Variants in ADAM9 observed in about 807,000 individuals in gnomAD.
ADAM9 encodes the protein ADAM metallopeptidase domain 9.
ADAM9 carries 54 observed loss-of-function variants against 108.1 expected under a neutral mutation model. The ratio of observed to expected loss-of-function variants is 0.50; its 90% CI spans 0.40 to 0.63. ADAM9 has a LOEUF of 0.63. Ranked by LOEUF, ADAM9 falls within the 20% of genes least tolerant of loss-of-function variation. ADAM9 has a pLI of 0.00. For synonymous variants in ADAM9, 316 were observed against 336.0 expected (o/e 0.94, Z 0.65); for missense variants, 830 against 997.7 (o/e 0.83, Z 2.26).
chr8:39,029,277 G>A lies in ADAM9; in HGVS notation c.1130+2467G>A, dbSNP rs140573083. On this transcript the variant is annotated intron_variant, in intron 11 of 21. Coordinates refer to ENST00000487273, the MANE Select transcript of ADAM9 (RefSeq NM_003816.3). ...GACCCCATAGGAGTTGAGGTAGAGG[G>A]ACACTGATAACATGAGGATACTGAT... Among the ~76,000 whole-genome samples, 771 of 152,044 alleles carry A rather than the reference G, an allele frequency of 5.1e-3. 5 individuals are homozygous for A. The highest frequency in any genetic ancestry group is 0.018 in the African/African-American group (734 of 41,442).
chr8:39,042,158 GAT>G, intron 12 of ADAM9, 41 bp downstream of exon 12: 2 of 1,608,944 alleles, frequency 1.2e-6, no homozygotes, highest in Non-Finnish European at 1.7e-6. Flanking sequence ...AAATTGCCAT[GAT>G]ATTTGCAAGA....
intron 18 of ADAM9, among the ~76,000 whole-genome samples, chr8:39,085,575 C>G (rs1386433018): frequency 1.3e-5 from 2 of 151,436 alleles, no homozygotes; most frequent in Admixed American, 6.6e-5. Flanking sequence ...TGCCTTGCTG[C>G]TTGAATAATA....
At chr8:39,017,548 T>A (rs1187682757) in intron 6 of ADAM9, 134 bp downstream of exon 6, 2 of 836,048 alleles carry the variant, frequency 2.4e-6, no homozygotes, top group East Asian at 2.7e-5. Context: ...CCAGACATTG[T>A]GATAGGTACT....
At chr8:39,036,401 T>C (rs1482452799) in intron 11 of ADAM9, among the ~76,000 whole-genome samples, 1 of 152,176 alleles carries the variant, frequency 6.6e-6, no homozygotes, top group Non-Finnish European at 1.5e-5. Flanking sequence ...GGAATCAGCA[T>C]AGTAATGGTG....
intron 14 of ADAM9, among the ~76,000 whole-genome samples, chr8:39,066,849 TG>T (rs1465421614): frequency 6.6e-6 from 1 of 152,232 alleles, no homozygotes; most frequent in Non-Finnish European, 1.5e-5. Flanking sequence ...TGAATGGTAT[TG>T]CCTAGGTTTT....
intron 12 of ADAM9, among the ~76,000 whole-genome samples, chr8:39,045,949 T>C (rs1408158786): frequency 6.6e-6 from 1 of 152,148 alleles, no homozygotes; most frequent in Non-Finnish European, 1.5e-5. Flanking sequence ...GTGGTTTTAA[T>C]ATGCATTCTC....
At chr8:39,059,985 A>G (rs1838247515) in intron 14 of ADAM9, among the ~76,000 whole-genome samples, 1 of 152,230 alleles carries the variant, frequency 6.6e-6, no homozygotes, top group Non-Finnish European at 1.5e-5. Context: ...TGGCTCAATT[A>G]CATACGTAGC....
In ADAM9 at chr8:39,016,157, A is replaced by T. The variant is rs957423945; in HGVS notation, c.373A>T (p.Asn125Tyr). The T allele has an allele frequency of 1.9e-6, 3 of 1,613,890 alleles. No individual in the cohort carries two copies. Among genetic ancestry groups the T allele is most frequent in the Non-Finnish European group, 2.5e-6 (3 of 1,179,850 alleles). ...HYRGYVEGVH[N>Y]SSIALSDCFG... is the part of the protein sequence containing the mutation. ...TCGGGGCTATGTGGAGGGAGTTCAT[A>T]ATTCATCCATTGCTCTTAGCGACTG... Residue 125 changes from asparagine (N) to tyrosine (Y), a missense_variant, in exon 5 of 22, where the codon AAT (asparagine) becomes TAT (tyrosine). Physicochemically the swap from Asn to Tyr is moderately radical, Grantham distance 143 (BLOSUM62 -2). Coordinates refer to ENST00000487273, the MANE Select transcript of ADAM9 (RefSeq NM_003816.3).
chr8:39,015,318 A>G (rs1411478733), intron 4 of ADAM9: 1 of 152,208 alleles, frequency 6.6e-6, no homozygotes, highest in Non-Finnish European at 1.5e-5. Context: ...AACTCAACGA[A>G]TGTTATTATT....
At chr8:39,016,089 T>G in intron 4 of ADAM9, 29 bp from the exon 5 acceptor site, 1 of 1,590,604 alleles carries the variant, frequency 6.3e-7, no homozygotes. Flanking sequence ...GTAGCAATAT[T>G]TGAAGATAAT....
chr8:39,078,785 ATAAAG>A (rs1344755622), intron 16 of ADAM9, among the ~76,000 whole-genome samples: 3 of 152,232 alleles, frequency 2.0e-5, no homozygotes, highest in Non-Finnish European at 4.4e-5. Context: ...CCATCTAAAA[ATAAAG>A]TAAAATAAAA....
intron 16 of ADAM9, among the ~76,000 whole-genome samples, chr8:39,077,944 C>T (rs1349182889): frequency 2.0e-5 from 3 of 152,034 alleles, no homozygotes; most frequent in Non-Finnish European, 2.9e-5. Flanking sequence ...TGTAAGAATT[C>T]GTTGGGAGAT....
rs182537317 is a variant in ADAM9 at position 39,040,000 on chromosome 8, C to T, written c.1131-1946C>T. ...AATCTACATTCCCACCAACAGTGCTCAAGATTCCTTTTTTTCTATACTCTC... is the reference window on the plus strand; with the variant it reads ...AATCTACATTCCCACCAACAGTGCTTAAGATTCCTTTTTTTCTATACTCTC... On this transcript the variant is annotated intron_variant, in intron 11 of 21. Transcript: ENST00000487273. Among the ~76,000 whole-genome samples the T allele has an allele frequency of 2.0e-5, 3 of 152,254 alleles. No homozygotes were observed. The East Asian group carries it at 5.8e-4, about 29-fold the overall frequency.
At chr8:39,025,928 C>A in intron 10 of ADAM9, 44 bp downstream of exon 10, 1 of 1,553,388 alleles carries the variant, frequency 6.4e-7, no homozygotes, top group Non-Finnish European at 8.9e-7. Flanking sequence ...TGCACTGGGA[C>A]AATATCAAGC....
At chr8:39,031,950 A>G (rs1837107067) in intron 11 of ADAM9, among the ~76,000 whole-genome samples, 1 of 152,210 alleles carries the variant, frequency 6.6e-6, no homozygotes. Flanking sequence ...GGTCCACTCC[A>G]GACCCTTTTT....
intron 14 of ADAM9, among the ~76,000 whole-genome samples, chr8:39,069,756 G>A (rs1838615565): frequency 1.3e-5 from 2 of 151,956 alleles, no homozygotes; most frequent in South Asian, 2.1e-4. Flanking sequence ...ATGGAAATAG[G>A]ACATATTGAA....
intron 6 of ADAM9, 61 bp downstream of exon 6, chr8:39,017,475 A>T: frequency 6.5e-7 from 1 of 1,532,186 alleles, no homozygotes; most frequent in South Asian, 1.2e-5. Context: ...TCATGTATTT[A>T]TTCATGAAAT....
At chr8:39,091,666 T>A (rs1300256051) in intron 20 of ADAM9, among the ~76,000 whole-genome samples, 1 of 152,090 alleles carries the variant, frequency 6.6e-6, no homozygotes, top group Non-Finnish European at 1.5e-5. Context: ...TTTGTATTTT[T>A]CATAGAGACG....
chr8:39,004,790 G>A (rs141553305), intron 1 of ADAM9, among the ~76,000 whole-genome samples: 3,695 of 152,224 alleles, frequency 0.024, 169 homozygotes, highest in African/African-American at 0.085. Flanking sequence ...AAACTGTCAT[G>A]GTGCTGGTGG....
Sources: gnomAD v4.1 joint callset for allele counts (sites outside exome capture counted in the v4.1 genomes callset) on GRCh38, gnomAD v4.1.1 for gene constraint, MANE v1.5 for transcripts, NCBI Gene and HGNC (gene_info 2026-07-23, HGNC 2026-07-21) for gene names.